The following SH3GL2 variants were observed in gnomAD, a reference collection of about 807,000 sequenced individuals.
The protein encoded by SH3GL2 is SH3 domain containing GRB2 like 2, endophilin A1.
Under a neutral mutation model 46.0 loss-of-function variants are expected in SH3GL2, and 24 were observed. That is an observed-to-expected ratio of 0.52 (90% CI 0.38 to 0.73). The LOEUF (loss-of-function observed/expected upper bound fraction) is 0.73, where lower values mean the gene tolerates loss of function less well. SH3GL2 is among the 30% of genes least tolerant of loss of function. SH3GL2 has a pLI of 0.00. For synonymous variants in SH3GL2, 196 were observed against 147.1 expected, an observed-to-expected ratio of 1.33 and a Z score of -2.40; for missense variants, 413 against 424.2, an observed-to-expected ratio of 0.97 and a Z score of 0.23.
At chr9:17,645,577 A>G (rs1211529550) in intron 1 of SH3GL2, among the ~76,000 whole-genome samples, 2 of 152,102 alleles carry the variant, frequency 1.3e-5, no homozygotes, top group African/African-American at 2.4e-5. Flanking sequence ...ATGGTGACAT[A>G]ACCTCTCAGC....
intron 1 of SH3GL2, among the ~76,000 whole-genome samples, chr9:17,722,389 A>G (rs1821917016): frequency 6.6e-6 from 1 of 152,140 alleles, no homozygotes; most frequent in African/African-American, 2.4e-5. Context: ...AATACTCAAG[A>G]GAAAATATTT....
chr9:17,757,561 A>G (rs1383446654), intron 2 of SH3GL2, among the ~76,000 whole-genome samples: 1 of 152,210 alleles, frequency 6.6e-6, no homozygotes, highest in Non-Finnish European at 1.5e-5. Context: ...ATCCCAGGCA[A>G]GGTTAGTTGA....
chr9:17,699,366 A>G (rs981060638), intron 1 of SH3GL2, among the ~76,000 whole-genome samples: 1 of 152,140 alleles, frequency 6.6e-6, no homozygotes, highest in Non-Finnish European at 1.5e-5. Flanking sequence ...ATTTTTCCAA[A>G]CTAAATTAAA....
chr9:17,791,877 T>G (rs1490577780), intron 7 of SH3GL2, among the ~76,000 whole-genome samples: 1 of 152,190 alleles, frequency 6.6e-6, no homozygotes, highest in African/African-American at 2.4e-5. Context: ...AGAGCTACTT[T>G]CACCTCATTA....
At chr9:17,593,406 G>C (rs1467368380) in intron 1 of SH3GL2, among the ~76,000 whole-genome samples, 1 of 152,146 alleles carries the variant, frequency 6.6e-6, no homozygotes, top group African/African-American at 2.4e-5. Flanking sequence ...GTCCAGTGGA[G>C]AATCATCTGC....
intron 1 of SH3GL2, among the ~76,000 whole-genome samples, chr9:17,680,466 G>A (rs1361512940): frequency 6.6e-6 from 1 of 152,046 alleles, no homozygotes; most frequent in Admixed American, 6.6e-5. Flanking sequence ...CTGTGGGATT[G>A]GTGGTGATAT....
chr9:17,701,526 T>A (rs756185099), intron 1 of SH3GL2, among the ~76,000 whole-genome samples: 6 of 152,054 alleles, frequency 3.9e-5, no homozygotes, highest in Non-Finnish European at 7.3e-5. Flanking sequence ...AGTAAAATAA[T>A]TACCGTCATT....
intron 1 of SH3GL2, among the ~76,000 whole-genome samples, chr9:17,635,079 C>A (rs1490067744): frequency 6.6e-6 from 1 of 152,138 alleles, no homozygotes; most frequent in African/African-American, 2.4e-5. Context: ...ATGATTTCAT[C>A]ACCCAGGTAT....
rs565141564 is a variant in SH3GL2 at position 17,616,898 on chromosome 9, T to C, written c.45+37611T>C. On this transcript the variant is annotated intron_variant, in intron 1 of 8. Transcript: ENST00000380607. ...CAGCGTAGTATAAAAGGTTAGACAG[T>C]GATGTCTGAATTCTACTCCTTCCCC... Among the ~76,000 whole-genome samples, 155 of 152,308 alleles carry C rather than the reference T, an allele frequency of 1.0e-3. 1 individual carries two copies. The South Asian group carries it at 0.015, about 15-fold the overall frequency.
intron 1 of SH3GL2, among the ~76,000 whole-genome samples, chr9:17,631,376 G>A (rs780286622): frequency 1.3e-5 from 2 of 152,156 alleles, no homozygotes; most frequent in Non-Finnish European, 2.9e-5. Flanking sequence ...TCTTGCTCAG[G>A]CATAGGGCAT....
intron 2 of SH3GL2, among the ~76,000 whole-genome samples, chr9:17,752,221 T>G (rs759754330): frequency 1.3e-5 from 2 of 152,186 alleles, no homozygotes; most frequent in African/African-American, 2.4e-5. Flanking sequence ...GACCTGCCTG[T>G]ATCTCGCTGC....
chr9:17,679,503 G>A (rs1323324510), intron 1 of SH3GL2, among the ~76,000 whole-genome samples: 2 of 152,060 alleles, frequency 1.3e-5, no homozygotes, highest in Non-Finnish European at 2.9e-5. Flanking sequence ...TGCTGAACTT[G>A]CTTATCAGCT....
At chr9:17,768,606 G>A (rs1823386252) in intron 3 of SH3GL2, among the ~76,000 whole-genome samples, 1 of 151,934 alleles carries the variant, frequency 6.6e-6, no homozygotes, top group Non-Finnish European at 1.5e-5. Context: ...TGTTCACTCT[G>A]TGGCCTTTAG....
chr9:17,727,801 G>C (rs1401905841), intron 1 of SH3GL2, among the ~76,000 whole-genome samples: 1 of 152,092 alleles, frequency 6.6e-6, no homozygotes, highest in South Asian at 2.1e-4. Flanking sequence ...TCCAGAACAT[G>C]CCCTTTACTG....
intron 1 of SH3GL2, among the ~76,000 whole-genome samples, chr9:17,684,661 G>C (rs1820859045): frequency 6.6e-6 from 1 of 152,038 alleles, no homozygotes; most frequent in Non-Finnish European, 1.5e-5. Context: ...CATACAGTCA[G>C]ACATATTGTA....
chr9:17,628,776 G>A (rs73645106), intron 1 of SH3GL2, among the ~76,000 whole-genome samples: 2,943 of 151,988 alleles, frequency 0.019, 105 homozygotes, highest in African/African-American at 0.067. Context: ...GTAAAATCCT[G>A]CCAACTGCCC....
chr9:17,607,337 A>G (rs1357074470), intron 1 of SH3GL2, among the ~76,000 whole-genome samples: 1 of 152,220 alleles, frequency 6.6e-6, no homozygotes, highest in Non-Finnish European at 1.5e-5. Context: ...ATCGAAACAT[A>G]TTTAAATGTA....
At chr9:17,650,647 A>G (rs1010525670) in intron 1 of SH3GL2, among the ~76,000 whole-genome samples, 2 of 152,158 alleles carry the variant, frequency 1.3e-5, no homozygotes, top group African/African-American at 4.8e-5. Flanking sequence ...GTGAGTCACC[A>G]CGCTCGGCCT....
chr9:17,757,491 C>T (rs900030148), intron 2 of SH3GL2, among the ~76,000 whole-genome samples: 16 of 152,224 alleles, frequency 1.1e-4, no homozygotes, highest in South Asian at 6.2e-4. Context: ...AAAAAGTGGG[C>T]GAAGGATATG....
Sources: gnomAD v4.1 joint callset for allele counts (sites outside exome capture counted in the v4.1 genomes callset) on GRCh38, gnomAD v4.1.1 for gene constraint, MANE v1.5 for transcripts, NCBI Gene and HGNC (gene_info 2026-07-23, HGNC 2026-07-21) for gene names.